PEX26: variants seen among roughly 807,000 people sequenced by gnomAD.
The protein encoded by PEX26 is peroxisomal biogenesis factor 26.
A neutral mutation model predicts 31.4 loss-of-function variants in PEX26; 18 were observed. The ratio of observed to expected loss-of-function variants is 0.57; its 90% confidence interval spans 0.40 to 0.85. PEX26 has a LOEUF of 0.85. Among genes scored for constraint, PEX26 ranks in the 40% least tolerant of loss-of-function variants. PEX26 has a pLI of 0.00. For missense variants in PEX26, 377 were observed against 383.9 expected, an observed-to-expected ratio of 0.98 and a Z score of 0.15; for synonymous variants, 176 against 166.9, an observed-to-expected ratio of 1.05 and a Z score of -0.42.
Position 18,100,923 on chromosome 22 carries a change from C to G in PEX26, c.*12848C>G, listed in dbSNP as rs893459440. ...CTGGAAGAAGAGGATAGCTTTTAGT[C>G]TATTTCCAGCACACGGCCTACACTC... is the stretch of plus-strand genomic sequence containing the variant. On this transcript the variant is annotated 3_prime_UTR_variant, in exon 5 of 5. Coordinates refer to ENST00000399744, the MANE Select transcript of PEX26 (RefSeq NM_001127649.3). 2 of 152,204 alleles carry G rather than the reference C, an allele frequency of 1.3e-5. No homozygotes were observed. Among genetic ancestry groups the G allele is most frequent in the African/African-American group, 4.8e-5 (2 of 41,446 alleles). 9.4% of individuals were successfully genotyped at this position (152,204 alleles called of 1,614,324 possible). A position where few individuals can be genotyped will look rare whatever the true frequency, so the allele number is the denominator to read the frequency against.
chr22:18,080,040 G>C, intron 2 of PEX26, 26 bp downstream of exon 2: 1 of 1,613,600 alleles, frequency 6.2e-7, no homozygotes, highest in South Asian at 1.1e-5. Context: ...TGACTCATCA[G>C]ATCGGTTCAG....
Position 18,078,071 on chromosome 22 carries a change from A to T in PEX26, c.-306A>T, listed in dbSNP as rs1442785283. 5.4e-6 allele frequency: 3 copies of T among 557,266 alleles called. No individual in the cohort carries two copies. The East Asian group carries it at 1.2e-4, about 23-fold the overall frequency. 34.5% of individuals were successfully genotyped at this position (557,266 alleles called of 1,614,324 possible). On this transcript the variant is annotated 5_prime_UTR_variant, in exon 1 of 5. Coordinates refer to ENST00000399744, the MANE Select transcript of PEX26 (RefSeq NM_001127649.3). ...AGGTGAGTCTTTGATCGTAACCAGG[A>T]GCCCGGAGCTGAGGCAGTTCCTGCA...
chr22:18,098,242 A>G lies in PEX26; in HGVS notation c.*10167A>G, dbSNP rs1180374696. 1 of 151,992 alleles carries G rather than the reference A, an allele frequency of 6.6e-6. No homozygotes were observed. The highest frequency in any genetic ancestry group is 2.4e-5 in the African/African-American group (1 of 41,382). 9.4% of individuals were successfully genotyped at this position (151,992 alleles called of 1,614,324 possible). On this transcript the variant is annotated 3_prime_UTR_variant, in exon 5 of 5. Coordinates refer to ENST00000399744, the MANE Select transcript of PEX26 (RefSeq NM_001127649.3). ...ACACACACAAAAAAAGTATAAATAT[A>G]TAGCTTTCTAGATATAGGATTGGAC...
At chr22:18,081,170 T>C (rs1926571016) in intron 2 of PEX26, among the ~76,000 whole-genome samples, 2 of 144,532 alleles carry the variant, frequency 1.4e-5, no homozygotes, top group Admixed American at 7.2e-5. Flanking sequence ...TATATATATA[T>C]ATATATGCGT....
rs1290894137 is a variant in PEX26, at chr22:18,096,420, A to ATTTTTTTT, written c.*8354_*8361dup. On this transcript the variant is annotated 3_prime_UTR_variant, in exon 5 of 5. Transcript: ENST00000399744. ...AACTAGGCTTTGCAAATGGCTCTGA[A>ATTTTTTTT]TTTTTTTTTTTTTTTTGAGATGGAG... The ATTTTTTTT allele has an allele frequency of 7.0e-6, 1 of 142,360 alleles. No individual in the cohort carries two copies. The highest frequency in any genetic ancestry group is 2.6e-5 in the African/African-American group (1 of 38,800). The allele number at this position is 142,360 out of a possible 1,614,324, so 8.8% of individuals were successfully genotyped here.
Position 18,095,585 on chromosome 22 carries a change from G to A in PEX26, c.*7510G>A, listed in dbSNP as rs1199289062. ...CCCTTTTAGTACTTGTTTGTGTTCT[G>A]TCCTGTTCCTGGATTTCATGGTCTC... On this transcript the variant is annotated 3_prime_UTR_variant, in exon 5 of 5. Coordinates refer to ENST00000399744, the MANE Select transcript of PEX26 (RefSeq NM_001127649.3). 6.6e-6 allele frequency: 1 copy of A among 152,074 alleles called. No individual in the cohort carries two copies. 9.4% of individuals were successfully genotyped at this position (152,074 alleles called of 1,614,324 possible). A position where few individuals can be genotyped will look rare whatever the true frequency, so the allele number is the denominator to read the frequency against.
rs1200228646 is a variant in PEX26 at position 18,100,202 on chromosome 22, A to T, written c.*12127A>T. 1 of 152,138 alleles carries T rather than the reference A, an allele frequency of 6.6e-6. No individual in the cohort carries two copies. The highest frequency in any genetic ancestry group is 1.9e-4 in the East Asian group (1 of 5,188). The allele number at this position is 152,138 out of a possible 1,614,324, so 9.4% of individuals were successfully genotyped here. A position where few individuals can be genotyped will look rare whatever the true frequency, so the allele number is the denominator to read the frequency against. ...GCAATTCTCCTGCCTCAGCCTCCTG[A>T]GTAGCTGGTATGACAGGCATGCACC... On this transcript the variant is annotated 3_prime_UTR_variant, in exon 5 of 5. Transcript: ENST00000399744.
intron 2 of PEX26, chr22:18,081,537 A>T (rs1221497892): frequency 6.4e-6 from 1 of 155,096 alleles, no homozygotes; most frequent in Non-Finnish European, 1.4e-5. Flanking sequence ...GGGCAGCAGG[A>T]ACTTGATCTT....
At chr22:18,082,056 A>T (rs1926635570) in intron 2 of PEX26, among the ~76,000 whole-genome samples, 1 of 103,232 alleles carries the variant, frequency 9.7e-6, no homozygotes, top group African/African-American at 3.7e-5. Context: ...TTCCCTTTTG[A>T]ATCAGGTTTT....
At position 18,078,563 on chromosome 22, in the gene PEX26, CAG is replaced by C; in HGVS notation, c.190_191del (p.Leu65GlyfsTer49). ...AALETCERAWQSLANHAVAEE... is the reference protein window; with the variant it reads ...AALETCERAWXSLANHAVAEE... ...GCTGGAGACCTGCGAGCGGGCCTGG[CAG>C]AGTCTGGCCAACCACGCCGTGGCAG... On this transcript the variant is annotated frameshift_variant, in exon 1 of 5. Coordinates refer to ENST00000399744, the MANE Select transcript of PEX26 (RefSeq NM_001127649.3). LOFTEE classifies it high-confidence loss of function. 1 of 1,596,064 alleles carries C rather than the reference CAG, an allele frequency of 6.3e-7. No individual in the cohort carries two copies. Among genetic ancestry groups the C allele is most frequent in the Non-Finnish European group, 8.5e-7 (1 of 1,173,926 alleles).
Position 18,080,076 on chromosome 22 carries a change from C to T in PEX26, c.371+62C>T, listed in dbSNP as rs1926493196. On this transcript the variant is annotated intron_variant, in intron 2 of 4. Transcript: ENST00000399744. The stretch of plus-strand genomic sequence containing the variant: ...AAACGAGAGGATTTTCATCTCCTCT[C>T]CTAAATACCTACTCTTTTCCCCTTC... 4 of 1,536,064 alleles carry T rather than the reference C, an allele frequency of 2.6e-6. No individual in the cohort carries two copies. The African/African-American group carries it at 4.1e-5, about 16-fold the overall frequency.
At chr22:18,080,954 C>T (rs910568609) in intron 2 of PEX26, among the ~76,000 whole-genome samples, 4 of 151,832 alleles carry the variant, frequency 2.6e-5, no homozygotes, top group African/African-American at 9.7e-5. Flanking sequence ...CTTTCCCAGT[C>T]TCTGGTAACC....
rs1352315718 is a variant in PEX26 at position 18,078,473 on chromosome 22, C to T, written c.97C>T (p.Pro33Ser). 5.1e-6 allele frequency: 8 copies of T among 1,574,034 alleles called. No individual in the cohort carries two copies. Among genetic ancestry groups the T allele is most frequent in the East Asian group, 2.3e-5 (1 of 43,150 alleles). ...GGTGCGCGCGGTCCCGGCCCGGGCG[C>T]CGGCCGTGGACCTTCTGGAGGAGGC... ...EPVRAVPARA[P>S]AVDLLEEAAD... Residue 33 changes from proline to serine, a missense_variant, in exon 1 of 5, where the codon CCG (proline) becomes TCG (serine). Transcript: ENST00000399744.
rs1205765024 is a variant in PEX26, at chr22:18,098,754, G to T, written c.*10679G>T. On this transcript the variant is annotated 3_prime_UTR_variant, in exon 5 of 5. Transcript: ENST00000399744. ...TATTAAGTAATACACATGTGTATGTGTGCGTGTGTAGACATATATATATAA... is the reference window on the plus strand; with the variant it reads ...TATTAAGTAATACACATGTGTATGTTTGCGTGTGTAGACATATATATATAA... 8.9e-6 allele frequency: 1 copy of T among 112,584 alleles called. No homozygotes were observed. Among genetic ancestry groups the T allele is most frequent in the African/African-American group, 3.0e-5 (1 of 33,324 alleles). 7.0% of individuals were successfully genotyped at this position (112,584 alleles called of 1,614,324 possible). A position where few individuals can be genotyped will look rare whatever the true frequency, so the allele number is the denominator to read the frequency against.
Position 18,078,007 on chromosome 22 carries a change from G to A in PEX26, c.-370G>A. 2.2e-6 allele frequency: 1 copy of A among 455,910 alleles called. No individual in the cohort carries two copies. Among genetic ancestry groups the A allele is most frequent in the South Asian group, 1.6e-5 (1 of 62,232 alleles). The allele number at this position is 455,910 out of a possible 1,614,324, so 28.2% of individuals were successfully genotyped here. On this transcript the variant is annotated 5_prime_UTR_variant, in exon 1 of 5. Transcript: ENST00000399744. ...GGGACGCCGCGCGGCTGCGGGGCTG[G>A]GCGAGCGCAAAGATGTCCGCGCCCG...
intron 3 of PEX26, among the ~76,000 whole-genome samples, chr22:18,084,308 G>A (rs1171367695): frequency 6.8e-6 from 1 of 146,460 alleles, no homozygotes; most frequent in Non-Finnish European, 1.5e-5. Flanking sequence ...GCAGTGATGC[G>A]ATCTCCGCTC....
At position 18,104,562 on chromosome 22, in the gene PEX26, C is replaced by T. The variant is rs998992867; in HGVS notation, c.*16487C>T. 6.6e-6 allele frequency: 1 copy of T among 152,084 alleles called. No individual in the cohort carries two copies. Among genetic ancestry groups the T allele is most frequent in the African/African-American group, 2.4e-5 (1 of 41,360 alleles). The allele number at this position is 152,084 out of a possible 1,614,324, so 9.4% of individuals were successfully genotyped here. On this transcript the variant is annotated 3_prime_UTR_variant, in exon 5 of 5. Transcript: ENST00000399744. ...GGTGGTTACCCATCTGTGACAGAGCCTTGGATGTCACGAGGCCACAGGCTG... is the reference window on the plus strand; with the variant it reads ...GGTGGTTACCCATCTGTGACAGAGCTTTGGATGTCACGAGGCCACAGGCTG...
Position 18,080,307 on chromosome 22 carries a change from T to TA in PEX26, c.371+302dup, listed in dbSNP as rs201455078. Among the ~76,000 whole-genome samples, 667 of 151,994 alleles carry TA rather than the reference T, an allele frequency of 4.4e-3. 4 individuals carry two copies. Among genetic ancestry groups the TA allele is most frequent in the African/African-American group, 0.013 (548 of 41,474 alleles). ...CTACGTCCTAGGAATTCCTAATTCT[T>TA]AAAAAAAAATTTTGTTTTGTTTTGT... On this transcript the variant is annotated intron_variant, in intron 2 of 4. Coordinates refer to ENST00000399744, the MANE Select transcript of PEX26 (RefSeq NM_001127649.3).
chr22:18,079,862 T>C lies in PEX26; in HGVS notation c.231-12T>C. The C allele has an allele frequency of 6.2e-7, 1 of 1,614,060 alleles. No homozygotes were observed. The highest frequency in any genetic ancestry group is 1.3e-5 in the African/African-American group (1 of 75,012). ...AACCACTTCTAACTGAAATTGGTTTTTCTGCTGACAGCTCATTGGAGGTGA... is the reference window on the plus strand; with the variant it reads ...AACCACTTCTAACTGAAATTGGTTTCTCTGCTGACAGCTCATTGGAGGTGA... On this transcript the variant is annotated splice_polypyrimidine_tract_variant and intron_variant, in intron 1 of 4. Coordinates refer to ENST00000399744, the MANE Select transcript of PEX26 (RefSeq NM_001127649.3).
Sources: gnomAD v4.1 joint callset for allele counts (sites outside exome capture counted in the v4.1 genomes callset) on GRCh38, gnomAD v4.1.1 for gene constraint, MANE v1.5 for transcripts, NCBI Gene and HGNC (gene_info 2026-07-23, HGNC 2026-07-21) for gene names.